Variants in TBXAS1 observed in about 807,000 individuals in gnomAD.
TBXAS1 encodes thromboxane-A synthase.
Under a neutral mutation model 60.7 loss-of-function variants are expected in TBXAS1, and 48 were observed. The ratio of observed to expected loss-of-function variants is 0.79; its 90% CI spans 0.63 to 1.01. The LOEUF is 1.01. TBXAS1 is among the 50% of genes least tolerant of loss of function. TBXAS1 has a pLI of 0.00. For synonymous variants in TBXAS1, 287 were observed against 269.7 expected (o/e 1.06, Z -0.63); for missense variants, 685 against 686.3 (o/e 1.00, Z 0.02).
At chr7:139,833,039 C>T (rs1456785361) in intron 1 of TBXAS1, among the ~76,000 whole-genome samples, 1 of 151,964 alleles carries the variant, frequency 6.6e-6, no homozygotes, top group African/African-American at 2.4e-5. Context: ...ACCCATAAAA[C>T]AAAAATACGA....
intron 12 of TBXAS1, among the ~76,000 whole-genome samples, chr7:140,018,871 C>G (rs1815308698): frequency 6.6e-6 from 1 of 152,158 alleles, no homozygotes; most frequent in Admixed American, 6.5e-5. Flanking sequence ...AATGGATAAG[C>G]AGCCAGAGAT....
chr7:139,952,012 A>AAGAAAGAAAGAAAG (rs746618111), intron 5 of TBXAS1, among the ~76,000 whole-genome samples: 16 of 111,356 alleles, frequency 1.4e-4, no homozygotes, highest in Non-Finnish European at 2.8e-4. Context: ...GAAAGAAAGA[A>AAGAAAGAAAGAAAG]AAAGAAAGGA....
intron 4 of TBXAS1, among the ~76,000 whole-genome samples, chr7:139,810,067 C>A (rs1033846366): frequency 1.3e-4 from 19 of 151,144 alleles, no homozygotes; most frequent in African/African-American, 4.6e-4. Context: ...GACAGGGTCT[C>A]GCTCTGTCAC....
At chr7:139,820,049 T>C (rs1569494290) in intron 4 of TBXAS1, among the ~76,000 whole-genome samples, 1 of 152,008 alleles carries the variant, frequency 6.6e-6, no homozygotes, top group Non-Finnish European at 1.5e-5. Flanking sequence ...GGATTCTAAC[T>C]TTTGCTTTCT....
intron 4 of TBXAS1, among the ~76,000 whole-genome samples, chr7:139,808,017 C>G (rs182003546): frequency 2.4e-4 from 37 of 152,216 alleles, no homozygotes; most frequent in Non-Finnish European, 4.6e-4. Flanking sequence ...GTATTTCCAC[C>G]TTACAGATAC....
chr7:139,797,645 C>T (rs892786121), intron 4 of TBXAS1, among the ~76,000 whole-genome samples: 6 of 152,212 alleles, frequency 3.9e-5, no homozygotes, highest in Non-Finnish European at 7.3e-5. Context: ...CTCTCACCAA[C>T]TCTTTACATT....
At chr7:139,845,052 A>C (rs946281815) in intron 1 of TBXAS1, among the ~76,000 whole-genome samples, 3 of 152,050 alleles carry the variant, frequency 2.0e-5, no homozygotes, top group Non-Finnish European at 2.9e-5. Context: ...AACCCTCCAC[A>C]GTCTGGCCAG....
At position 139,886,174 on chromosome 7, in the gene TBXAS1, C is replaced by A. The variant is rs77370941; in HGVS notation, c.236+10537C>A. On this transcript the variant is annotated intron_variant, in intron 3 of 12. Transcript: ENST00000448866. The stretch of plus-strand genomic sequence containing the variant: ...ATAAACTTAACTACGAAAATAAGTT[C>A]TTTGATTATTCTTCGTATCTCAAGA... Among the ~76,000 whole-genome samples the A allele has an allele frequency of 4.3e-3, 647 of 152,228 alleles. 5 individuals are homozygous for A. Among genetic ancestry groups the A allele is most frequent in the African/African-American group, 0.015 (620 of 41,526 alleles).
At chr7:139,904,988 TC>T in intron 3 of TBXAS1, among the ~76,000 whole-genome samples, 2 of 126,634 alleles carry the variant, frequency 1.6e-5, no homozygotes, top group Non-Finnish European at 1.6e-5. Flanking sequence ...TTTCTCTTTC[TC>T]TCTTTCTCTC....
At chr7:139,959,884 T>G (rs559936742) in intron 8 of TBXAS1, among the ~76,000 whole-genome samples, 1 of 152,200 alleles carries the variant, frequency 6.6e-6, no homozygotes, top group South Asian at 2.1e-4. Flanking sequence ...GGATGCTCAC[T>G]TCCCCTGCGT....
chr7:140,010,942 C>T (rs181360438), intron 10 of TBXAS1, among the ~76,000 whole-genome samples: 21 of 147,822 alleles, frequency 1.4e-4, no homozygotes, highest in Admixed American at 5.4e-4. Flanking sequence ...TTTATATTGC[C>T]AAAATAGCAT....
chr7:139,930,018 C>T (rs1033491445), intron 4 of TBXAS1, among the ~76,000 whole-genome samples: 2 of 152,178 alleles, frequency 1.3e-5, no homozygotes, highest in Non-Finnish European at 2.9e-5. Flanking sequence ...TCTGGAGGCC[C>T]TCCACACACA....
chr7:139,880,072 C>T (rs1313935577), intron 3 of TBXAS1, among the ~76,000 whole-genome samples: 1 of 152,068 alleles, frequency 6.6e-6, no homozygotes, highest in Non-Finnish European at 1.5e-5. Flanking sequence ...TTGGTAAAGA[C>T]GGGGCTTCAA....
At chr7:139,952,953 C>A (rs151309187) in intron 5 of TBXAS1, among the ~76,000 whole-genome samples, 2 of 152,154 alleles carry the variant, frequency 1.3e-5, no homozygotes, top group Admixed American at 6.5e-5. Flanking sequence ...AAAATACAAT[C>A]GGAATACACA....
rs369114491 is a variant in TBXAS1, at chr7:139,829,366, A to G, written c.-25A>G. ...AGCCTCCTGTCTCATCTGGAAGACCACCACTCTGGGGTCTCAGAGGAATGA... is the reference window on the plus strand; with the variant it reads ...AGCCTCCTGTCTCATCTGGAAGACCGCCACTCTGGGGTCTCAGAGGAATGA... On this transcript the variant is annotated 5_prime_UTR_variant, in exon 1 of 13. Transcript: ENST00000448866. 55 of 1,608,304 alleles carry G rather than the reference A, an allele frequency of 3.4e-5. No homozygotes were observed. The highest frequency in any genetic ancestry group is 2.2e-4 in the Admixed American group (13 of 59,564).
chr7:139,832,544 T>G (rs903185521), intron 1 of TBXAS1, among the ~76,000 whole-genome samples: 29 of 152,050 alleles, frequency 1.9e-4, no homozygotes, highest in African/African-American at 7.2e-5. Context: ...TTTGGGGGAA[T>G]AATCAAGGAA....
chr7:139,951,041 G>T (rs118126932), intron 5 of TBXAS1, among the ~76,000 whole-genome samples: 2 of 152,130 alleles, frequency 1.3e-5, no homozygotes, highest in Non-Finnish European at 2.9e-5. Context: ...TCAATAGCCG[G>T]CCAGCTGTCC....
At chr7:139,885,914 T>A (rs1803059562) in intron 3 of TBXAS1, among the ~76,000 whole-genome samples, 1 of 152,240 alleles carries the variant, frequency 6.6e-6, no homozygotes, top group African/African-American at 2.4e-5. Context: ...CACCACCGCA[T>A]ACACGTTTGA....
chr7:139,877,461 C>T (rs1305398331), intron 3 of TBXAS1, among the ~76,000 whole-genome samples: 2 of 152,126 alleles, frequency 1.3e-5, no homozygotes, highest in Admixed American at 6.5e-5. Flanking sequence ...CTTGCTCTGT[C>T]GCCCAGGCTG....
Sources: gnomAD v4.1 joint callset for allele counts (sites outside exome capture counted in the v4.1 genomes callset) on GRCh38, gnomAD v4.1.1 for gene constraint, MANE v1.5 for transcripts, NCBI Gene and HGNC (gene_info 2026-07-23, HGNC 2026-07-21) for gene names.